NAALADL2: variants seen among roughly 807,000 people sequenced by gnomAD.
NAALADL2 encodes inactive N-acetylated-alpha-linked acidic dipeptidase-like protein 2.
In NAALADL2, 76 loss-of-function variants were observed where a neutral mutation model predicts 87.2. The observed-to-expected ratio is 0.87, with a 90% confidence interval of 0.72 to 1.05. The LOEUF is 1.05. Ranked by LOEUF, NAALADL2 falls within the 50% of genes least tolerant of loss-of-function variation. The pLI, the probability that NAALADL2 is intolerant of heterozygous loss-of-function variation, is 0.00. For missense variants in NAALADL2, 1,089 were observed against 945.8 expected, an observed-to-expected ratio of 1.15 and a Z score of -1.99; for synonymous variants, 354 against 331.0, an observed-to-expected ratio of 1.07 and a Z score of -0.75.
chr3:174,665,380 G>T (rs1165389357), intron 2 of NAALADL2, among the ~76,000 whole-genome samples: 1 of 152,118 alleles, frequency 6.6e-6, no homozygotes, highest in Non-Finnish European at 1.5e-5. Flanking sequence ...AAGACTGTTT[G>T]GTGCTATCGA....
intron 3 of NAALADL2, among the ~76,000 whole-genome samples, chr3:174,830,911 C>A (rs1234172940): frequency 1.3e-5 from 2 of 151,212 alleles, no homozygotes; most frequent in Non-Finnish European, 2.9e-5. Context: ...CTCTGTTTGT[C>A]TGTTGTTGGT....
chr3:175,314,971 G>A lies in NAALADL2; in HGVS notation c.940-9204G>A, dbSNP rs188659826. On this transcript the variant is annotated intron_variant, in intron 4 of 13. Coordinates refer to ENST00000454872, the MANE Select transcript of NAALADL2 (RefSeq NM_207015.3). ...GCTATAAGGTTCCTGCTTCAAGCCA[G>A]TCACAATCTAGTGCCACTGCAGTTA... is the stretch of plus-strand genomic sequence containing the variant. Among the ~76,000 whole-genome samples the A allele has an allele frequency of 5.3e-5, 8 of 152,034 alleles. No homozygotes were observed. In the East Asian group the frequency reaches 1.6e-3, roughly 29 times the overall value.
chr3:175,436,720 G>C (rs1718736946), intron 5 of NAALADL2, among the ~76,000 whole-genome samples: 1 of 62,428 alleles, frequency 1.6e-5, no homozygotes, highest in Admixed American at 2.3e-4. Flanking sequence ...TTGTAAATTT[G>C]TTTGAGTTCA....
chr3:175,472,613 G>A (rs189228486), intron 9 of NAALADL2, among the ~76,000 whole-genome samples: 2 of 152,268 alleles, frequency 1.3e-5, no homozygotes, highest in African/African-American at 2.4e-5. Context: ...AATGAACAGA[G>A]CTTTGAATGA....
intron 11 of NAALADL2, among the ~76,000 whole-genome samples, chr3:175,706,441 TAAA>T (rs1232469283): frequency 6.6e-6 from 1 of 152,084 alleles, no homozygotes; most frequent in African/African-American, 2.4e-5. Context: ...AATAAAGTAA[TAAA>T]AACTGTAATA....
chr3:174,637,245 G>A (rs1243523193), intron 2 of NAALADL2, among the ~76,000 whole-genome samples: 1 of 151,948 alleles, frequency 6.6e-6, no homozygotes. Flanking sequence ...GAAGGTATAA[G>A]TTCTAATGTT....
chr3:175,162,579 G>A (rs1224811405), intron 2 of NAALADL2, among the ~76,000 whole-genome samples: 1 of 152,038 alleles, frequency 6.6e-6, no homozygotes, highest in Non-Finnish European at 1.5e-5. Context: ...TCTTGAGTAT[G>A]TAAGATGAGC....
chr3:175,112,715 A>C (rs1026810743), intron 2 of NAALADL2: 7 of 151,734 alleles, frequency 4.6e-5, no homozygotes, highest in Admixed American at 4.0e-4. Flanking sequence ...ATTCTATTAC[A>C]TGTAAAATTT....
intron 5 of NAALADL2, among the ~76,000 whole-genome samples, chr3:175,383,157 G>A (rs1352918216): frequency 6.6e-6 from 1 of 151,940 alleles, no homozygotes; most frequent in Non-Finnish European, 1.5e-5. Context: ...ATTACCTCAA[G>A]CGTTTATCAT....
intron 1 of NAALADL2, among the ~76,000 whole-genome samples, chr3:175,065,023 C>A (rs545543009): frequency 6.6e-6 from 1 of 151,520 alleles, no homozygotes; most frequent in South Asian, 2.1e-4. Context: ...AATAATATAT[C>A]AGAGTAAAAA....
intron 1 of NAALADL2, among the ~76,000 whole-genome samples, chr3:174,501,736 G>A (rs1268429389): frequency 6.6e-6 from 1 of 151,910 alleles, no homozygotes; most frequent in South Asian, 2.1e-4. Context: ...AGCATTTGGA[G>A]TGATGCCTTA....
intron 3 of NAALADL2, among the ~76,000 whole-genome samples, chr3:174,767,972 A>T (rs1347548228): frequency 6.6e-6 from 1 of 152,178 alleles, no homozygotes; most frequent in East Asian, 1.9e-4. Context: ...ATTTAACAGA[A>T]ATACGTAAGT....
chr3:174,704,422 T>C (rs1729865501), intron 2 of NAALADL2, among the ~76,000 whole-genome samples: 1 of 152,180 alleles, frequency 6.6e-6, no homozygotes, highest in South Asian at 2.1e-4. Context: ...ATATTTAATT[T>C]AATATTTGAT....
At chr3:175,324,040 A>C (rs1432228534) in intron 4 of NAALADL2, 135 bp from the exon 5 acceptor site, 4 of 536,536 alleles carry the variant, frequency 7.5e-6, no homozygotes, top group African/African-American at 7.2e-5. Flanking sequence ...AAAAAAAAAA[A>C]AAAGAAAAAG....
chr3:174,829,097 TTTGTTG>T (rs143504378), intron 3 of NAALADL2, among the ~76,000 whole-genome samples: 26,504 of 150,282 alleles, frequency 0.18, 2,551 homozygotes, highest in East Asian at 0.42. Context: ...TCTGTTTTTT[TTTGTTG>T]TTGTTGTTGT....
intron 1 of NAALADL2, among the ~76,000 whole-genome samples, chr3:175,061,370 G>A (rs1216701078): frequency 6.6e-6 from 1 of 152,124 alleles, no homozygotes; most frequent in East Asian, 1.9e-4. Context: ...AATAAAGTAT[G>A]AGAAAATAAA....
chr3:175,488,777 G>A (rs977016256), intron 9 of NAALADL2, among the ~76,000 whole-genome samples: 5 of 152,320 alleles, frequency 3.3e-5, no homozygotes, highest in Middle Eastern at 3.4e-3. Context: ...TTATGAAAAC[G>A]TGTTTGTACT....
At position 175,167,489 on chromosome 3, in the gene NAALADL2, T is replaced by C. The variant is rs568691886; in HGVS notation, c.546-66442T>C. 2.6e-4 allele frequency among the ~76,000 whole-genome samples: 40 copies of C among 152,214 alleles called. No homozygotes were observed. The South Asian group carries it at 7.1e-3, about 27-fold the overall frequency. On this transcript the variant is annotated intron_variant, in intron 2 of 13. Transcript: ENST00000454872. ...TCTTCAGTCACCATTCTCCTTTAAG[T>C]TTCTTAAGCGTGTGCAGGACTCAGG...
chr3:174,986,753 G>A (rs1745933590), intron 1 of NAALADL2, among the ~76,000 whole-genome samples: 1 of 152,054 alleles, frequency 6.6e-6, no homozygotes, highest in South Asian at 2.1e-4. Flanking sequence ...ATGAATATTG[G>A]GTAGTAAATT....
Sources: gnomAD v4.1 joint callset for allele counts (sites outside exome capture counted in the v4.1 genomes callset) on GRCh38, gnomAD v4.1.1 for gene constraint, MANE v1.5 for transcripts, NCBI Gene and HGNC (gene_info 2026-07-23, HGNC 2026-07-21) for gene names.